The following LINGO2 variants were observed in gnomAD, a reference collection of about 807,000 sequenced individuals.
The protein encoded by LINGO2 is leucine-rich repeat and immunoglobulin-like domain-containing nogo receptor-interacting protein 2.
LINGO2 carries 14 observed loss-of-function variants against 30.6 expected under a neutral mutation model. That is an observed-to-expected ratio of 0.46 (90% CI 0.30 to 0.72). LINGO2 has a LOEUF of 0.72. LINGO2 is among the 30% of genes least tolerant of loss of function. The pLI, the probability that LINGO2 is intolerant of heterozygous loss-of-function variation, is 0.07. For synonymous variants in LINGO2, 317 were observed against 288.5 expected (o/e 1.10, Z -1.00); for missense variants, 729 against 751.7 (o/e 0.97, Z 0.35).
intron 4 of LINGO2, among the ~76,000 whole-genome samples, chr9:28,122,141 C>A (rs561750941): frequency 6.6e-6 from 1 of 152,196 alleles, no homozygotes; most frequent in Non-Finnish European, 1.5e-5. Flanking sequence ...TGTCTTGAGA[C>A]AGTACATAGG....
chr9:28,720,157 C>A, the LINGO2 span, among the ~76,000 whole-genome samples: 2 of 152,012 alleles, frequency 1.3e-5, no homozygotes, highest in African/African-American at 4.8e-5. Context: ...ACAATTAAGT[C>A]CACACTTAAT....
At chr9:28,627,715 T>C (rs911627893) in intron 1 of LINGO2, among the ~76,000 whole-genome samples, 3 of 152,064 alleles carry the variant, frequency 2.0e-5, no homozygotes, top group Admixed American at 1.3e-4. Context: ...TTCTTAATTA[T>C]ATTTTATATA....
chr9:29,067,711 T>C, the LINGO2 span, among the ~76,000 whole-genome samples: 1 of 147,786 alleles, frequency 6.8e-6, no homozygotes, highest in Non-Finnish European at 1.5e-5. Context: ...GTACAATTCC[T>C]ACCATATAAG....
intron 2 of LINGO2, among the ~76,000 whole-genome samples, chr9:28,464,430 G>A (rs1052387417): frequency 6.6e-6 from 1 of 152,064 alleles, no homozygotes; most frequent in Admixed American, 6.6e-5. Context: ...ACCTACTAAT[G>A]GTTGTTTTCG....
intron 2 of LINGO2, among the ~76,000 whole-genome samples, chr9:28,375,613 C>G (rs1821098928): frequency 6.6e-6 from 1 of 152,216 alleles, no homozygotes; most frequent in African/African-American, 2.4e-5. Flanking sequence ...AGTGATGGAA[C>G]AGCCTTTGGA....
At chr9:28,350,686 C>T (rs538453876) in intron 3 of LINGO2, among the ~76,000 whole-genome samples, 2 of 151,956 alleles carry the variant, frequency 1.3e-5, no homozygotes, top group South Asian at 4.2e-4. Flanking sequence ...CCCAAATCAA[C>T]AGAATATACA....
chr9:28,506,479 C>CATATAT (rs1262674322), intron 1 of LINGO2, among the ~76,000 whole-genome samples: 1,681 of 10,960 alleles, frequency 0.15, 74 homozygotes, highest in East Asian at 0.25. Flanking sequence ...CACACACACA[C>CATATAT]ATACACATAC....
rs552070249 is a variant in LINGO2 at position 28,093,494 on chromosome 9, G to C, written c.-86-81089C>G. 3.9e-5 allele frequency among the ~76,000 whole-genome samples: 6 copies of C among 152,122 alleles called. No homozygotes were observed. In the South Asian group the frequency reaches 8.3e-4, roughly 21 times the overall value. On this transcript the variant is annotated intron_variant, in intron 4 of 5. Coordinates refer to ENST00000379992, the Ensembl canonical transcript of LINGO2. ...TCATTCATGGACTGTATTTAGTGTG[G>C]CAATTAGTATACAGTAAGTACTCAC... is the stretch of plus-strand genomic sequence containing the variant.
the LINGO2 span, among the ~76,000 whole-genome samples, chr9:28,968,823 T>A: frequency 6.6e-6 from 1 of 152,176 alleles, no homozygotes; most frequent in African/African-American, 2.4e-5. Context: ...GATGATACCT[T>A]GAAAAAATGT....
intron 1 of LINGO2, among the ~76,000 whole-genome samples, chr9:28,560,144 T>A (rs891925322): frequency 3.0e-4 from 46 of 151,916 alleles, no homozygotes; most frequent in African/African-American, 9.4e-4. Context: ...TTACCAATAC[T>A]TCTCATCTTT....
At chr9:28,501,397 C>T (rs770665921) in intron 1 of LINGO2, among the ~76,000 whole-genome samples, 11 of 151,778 alleles carry the variant, frequency 7.2e-5, no homozygotes, top group South Asian at 6.2e-4. Context: ...ATTGTAAATA[C>T]GATGAAGAAA....
intron 4 of LINGO2, among the ~76,000 whole-genome samples, chr9:28,244,125 C>A (rs1330398587): frequency 3.9e-5 from 6 of 152,184 alleles, no homozygotes; most frequent in Non-Finnish European, 7.3e-5. Flanking sequence ...TACAAACAGT[C>A]TCTTAGACCA....
intron 1 of LINGO2, among the ~76,000 whole-genome samples, chr9:28,662,533 C>T (rs1828622669): frequency 6.6e-6 from 1 of 152,132 alleles, no homozygotes; most frequent in African/African-American, 2.4e-5. Context: ...ACTGTCATTG[C>T]TGCCTATATG....
chr9:28,148,504 C>A lies in LINGO2; in HGVS notation c.-86-136099G>T. 6.8e-7 allele frequency: 1 copy of A among 1,461,818 alleles called. No homozygotes were observed. Among genetic ancestry groups the A allele is most frequent in the East Asian group, 2.5e-5 (1 of 40,528 alleles). The allele number at this position is 1,461,818 out of a possible 1,614,324, so 90.6% of individuals were successfully genotyped here. ...AGGTAGAGACCCAGGGGCAGGAGGA[C>A]AATAAAAGGGGCCCCTGTAGCAATG... is the stretch of plus-strand genomic sequence containing the variant. On this transcript the variant is annotated intron_variant, in intron 4 of 5. Transcript: ENST00000379992. The surrounding 1 kb of genome is among the most constrained non-coding windows in gnomAD (Gnocchi z 5.1).
chr9:28,691,867 T>A, the LINGO2 span, among the ~76,000 whole-genome samples: 1 of 152,118 alleles, frequency 6.6e-6, no homozygotes, highest in Non-Finnish European at 1.5e-5. Flanking sequence ...TACATAAATA[T>A]AGCAATTTCT....
At chr9:28,386,898 A>T (rs1479889223) in intron 2 of LINGO2, among the ~76,000 whole-genome samples, 17 of 152,192 alleles carry the variant, frequency 1.1e-4, no homozygotes, top group Non-Finnish European at 2.2e-4. Context: ...ATTATTTCTA[A>T]TTTTTTAAAA....
intron 1 of LINGO2, among the ~76,000 whole-genome samples, chr9:28,546,711 G>A (rs1821968817): frequency 6.6e-6 from 1 of 152,028 alleles, no homozygotes; most frequent in African/African-American, 2.4e-5. Context: ...AGAAAAGGGA[G>A]CAGGAGAAAG....
intron 4 of LINGO2, among the ~76,000 whole-genome samples, chr9:28,128,118 G>A (rs749516207): frequency 1.3e-5 from 2 of 152,168 alleles, no homozygotes; most frequent in Non-Finnish European, 2.9e-5. Flanking sequence ...TCACAGGAAG[G>A]TAAGTTAAAA....
intron 5 of LINGO2, among the ~76,000 whole-genome samples, chr9:27,960,841 C>A: frequency 6.6e-6 from 1 of 151,670 alleles, no homozygotes. Context: ...TTTTTTGTTC[C>A]TGTCTTTTTC....
Sources: gnomAD v4.1 joint callset for allele counts (sites outside exome capture counted in the v4.1 genomes callset) on GRCh38, gnomAD v4.1.1 for gene constraint, Gnocchi (gnomAD v3.1) non-coding constraint, MANE v1.5 for transcripts, NCBI Gene and HGNC (gene_info 2026-07-23, HGNC 2026-07-21) for gene names.